NADK2: variants seen among roughly 807,000 people sequenced by gnomAD.
The protein encoded by NADK2 is NAD kinase 2, mitochondrial.
NADK2 carries 35 observed loss-of-function variants against 62.1 expected under a neutral mutation model. That is an observed-to-expected ratio of 0.56 (90% confidence interval 0.43 to 0.75). The LOEUF (loss-of-function observed/expected upper bound fraction) is 0.75, where lower values mean the gene tolerates loss of function less well. Among genes scored for constraint, NADK2 ranks in the 30% least tolerant of loss-of-function variants. NADK2 has a pLI of 0.00. For synonymous variants in NADK2, 205 were observed against 207.9 expected, an observed-to-expected ratio of 0.99 and a Z score of 0.12; for missense variants, 439 against 561.3, an observed-to-expected ratio of 0.78 and a Z score of 2.20.
intron 5 of NADK2, chr5:36,218,244 TA>T: frequency 6.3e-6 from 1 of 159,396 alleles, no homozygotes; most frequent in East Asian, 1.8e-4. Flanking sequence ...TAAATTAAAA[TA>T]ATATTGTGTT....
At position 36,241,268 on chromosome 5, in the gene NADK2, A is replaced by G. The variant is rs1018217507; in HGVS notation, c.300+231T>C. The G allele has an allele frequency of 3.6e-5, 29 of 799,812 alleles. No homozygotes were observed. Among genetic ancestry groups the G allele is most frequent in the Non-Finnish European group, 5.0e-5 (29 of 581,596 alleles). 49.5% of individuals were successfully genotyped at this position (799,812 alleles called of 1,614,324 possible). A position where few individuals can be genotyped will look rare whatever the true frequency, so the allele number is the denominator to read the frequency against. ...TGCCTCCTAAGTCCCTGCATGAACC[A>G]CTGTCCCTCTCTCTCCCCCTCTCCC... On this transcript the variant is annotated intron_variant, in intron 1 of 11. Transcript: ENST00000381937. The surrounding 1 kb of genome is among the most constrained non-coding windows in gnomAD (Gnocchi z 4.9).
chr5:36,228,792 TTA>T lies in NADK2; in HGVS notation c.301-1229_301-1228del, dbSNP rs776725938. 2.6e-3 allele frequency among the ~76,000 whole-genome samples: 389 copies of T among 149,372 alleles called. 7 individuals are homozygous for T. The highest frequency in any genetic ancestry group is 8.9e-3 in the African/African-American group (362 of 40,538). ...CACCACCACAACCAGCTAATTTATTTTATTTTTTTTTTTGGTAGAAATGGGGT... is the reference window on the plus strand; with the variant it reads ...CACCACCACAACCAGCTAATTTATTTTTTTTTTTTTTGGTAGAAATGGGGT... On this transcript the variant is annotated intron_variant, in intron 1 of 11. Transcript: ENST00000381937.
chr5:36,239,721 T>C (rs1161634200), intron 1 of NADK2, among the ~76,000 whole-genome samples: 1 of 152,202 alleles, frequency 6.6e-6, no homozygotes, highest in Non-Finnish European at 1.5e-5. Context: ...GAAAACGTTA[T>C]CCACAGTTTC....
At chr5:36,200,507 A>G (rs1034280619) in intron 9 of NADK2, among the ~76,000 whole-genome samples, 9 of 151,958 alleles carry the variant, frequency 5.9e-5, no homozygotes, top group Non-Finnish European at 8.8e-5. Flanking sequence ...TTTGCTTTCC[A>G]TGATTTTGCT....
chr5:36,234,799 A>G (rs1747842446), intron 1 of NADK2, among the ~76,000 whole-genome samples: 1 of 152,182 alleles, frequency 6.6e-6, no homozygotes, highest in South Asian at 2.1e-4. Context: ...CTCATAACTG[A>G]AAATCTAAAC....
chr5:36,212,874 A>C (rs1041262151), intron 6 of NADK2: 1 of 151,814 alleles, frequency 6.6e-6, no homozygotes, highest in Non-Finnish European at 1.5e-5. Context: ...ATATACTCAC[A>C]CTCTCTTTCC....
At chr5:36,221,146 C>T (rs1433649511) in intron 4 of NADK2, 2 of 152,200 alleles carry the variant, frequency 1.3e-5, no homozygotes, top group African/African-American at 2.4e-5. Context: ...TGCCCTCTAT[C>T]CCATTTTGAA....
chr5:36,234,372 C>CAA (rs10551356), intron 1 of NADK2, among the ~76,000 whole-genome samples: 97 of 76,900 alleles, frequency 1.3e-3, no homozygotes, highest in Middle Eastern at 0.014. Flanking sequence ...AACTCCGTCT[C>CAA]AAAAAAAAAA....
intron 4 of NADK2, among the ~76,000 whole-genome samples, chr5:36,225,016 C>T (rs1198407445): frequency 6.6e-6 from 1 of 152,094 alleles, no homozygotes; most frequent in Non-Finnish European, 1.5e-5. Flanking sequence ...CTTGTCCCTC[C>T]TCAGCAATAC....
intron 1 of NADK2, among the ~76,000 whole-genome samples, chr5:36,231,702 G>A (rs138770615): frequency 1.5e-3 from 233 of 152,234 alleles, no homozygotes; most frequent in African/African-American, 5.2e-3. Context: ...AAGCTGGTAA[G>A]AATTTCTTGC....
chr5:36,227,240 A>G (rs1747516170), intron 2 of NADK2, among the ~76,000 whole-genome samples: 1 of 152,204 alleles, frequency 6.6e-6, no homozygotes, highest in Non-Finnish European at 1.5e-5. Context: ...ACTCTACAGA[A>G]GATGCATTTC....
chr5:36,232,819 CCCAGTAACCT>C, intron 1 of NADK2, among the ~76,000 whole-genome samples: 1 of 152,174 alleles, frequency 6.6e-6, no homozygotes, highest in African/African-American at 2.4e-5. Context: ...CCAAGTATAT[CCCAGTAACCT>C]TGAAATCTAT....
chr5:36,223,887 C>T (rs1747373259), intron 4 of NADK2, among the ~76,000 whole-genome samples: 1 of 151,922 alleles, frequency 6.6e-6, no homozygotes, highest in Admixed American at 6.6e-5. Context: ...TTGAACAAGT[C>T]TTTTTAGGCT....
At chr5:36,219,881 A>C (rs1332749494) in intron 4 of NADK2, among the ~76,000 whole-genome samples, 2 of 152,206 alleles carry the variant, frequency 1.3e-5, no homozygotes, top group African/African-American at 4.8e-5. Flanking sequence ...AGTAGTCTAC[A>C]TCCAGCTTTA....
At chr5:36,201,972 ATTC>A (rs1275119937) in intron 8 of NADK2, among the ~76,000 whole-genome samples, 1 of 152,038 alleles carries the variant, frequency 6.6e-6, no homozygotes, top group South Asian at 2.1e-4. Flanking sequence ...GTAATTTTGA[ATTC>A]TTCTACTGCC....
intron 7 of NADK2, chr5:36,208,519 G>T: frequency 1.3e-6 from 1 of 779,954 alleles, no homozygotes; most frequent in South Asian, 1.8e-5. Flanking sequence ...CCAAAATAAT[G>T]AGCAAATTTA....
chr5:36,235,393 C>T (rs144607249), intron 1 of NADK2, among the ~76,000 whole-genome samples: 10 of 152,228 alleles, frequency 6.6e-5, no homozygotes, highest in Admixed American at 6.5e-4. Context: ...TTAGATTATG[C>T]AGCTTTAAGT....
intron 1 of NADK2, among the ~76,000 whole-genome samples, chr5:36,238,238 C>T (rs1242302398): frequency 2.0e-5 from 3 of 152,172 alleles, no homozygotes; most frequent in Non-Finnish European, 1.5e-5. Context: ...AGTGCTACAA[C>T]CTAAGCCACA....
At chr5:36,226,181 A>AT (rs2112164379) in intron 3 of NADK2, among the ~76,000 whole-genome samples, 1 of 152,212 alleles carries the variant, frequency 6.6e-6, no homozygotes, top group Non-Finnish European at 1.5e-5. Flanking sequence ...TATCAACTTC[A>AT]TTTTTTTCTT....
Sources: allele counts gnomAD v4.1 joint callset (sites outside exome capture counted in the v4.1 genomes callset), GRCh38; gene constraint gnomAD v4.1.1; non-coding constraint Gnocchi (gnomAD v3.1); transcripts MANE v1.5; gene names NCBI Gene and HGNC (gene_info 2026-07-23, HGNC 2026-07-21).